The following TTC39C variants were observed in gnomAD, a reference collection of about 807,000 sequenced individuals.
TTC39C encodes tetratricopeptide repeat domain 39C.
Under a neutral mutation model 76.3 loss-of-function variants are expected in TTC39C, and 33 were observed. The observed-to-expected ratio is 0.43, with a 90% CI of 0.33 to 0.58. The LOEUF (loss-of-function observed/expected upper bound fraction) is 0.58, where lower values mean the gene tolerates loss of function less well. Ranked by LOEUF, TTC39C falls within the 20% of genes least tolerant of loss-of-function variation. The pLI, the probability that TTC39C is intolerant of heterozygous loss-of-function variation, is 0.04. For synonymous variants in TTC39C, 254 were observed against 260.6 expected (o/e 0.97, Z 0.24); for missense variants, 595 against 701.4 (o/e 0.85, Z 1.71).
chr18:24,114,477 A>C, intron 6 of TTC39C, 77 bp from the exon 7 acceptor site: 1 of 1,114,102 alleles, frequency 9.0e-7, no homozygotes. Context: ...TGAAGGAAAA[A>C]GATGCTTTTG....
In TTC39C at chr18:24,015,145, A is replaced by C. The variant is rs960067655; in HGVS notation, c.167+107A>C. 455 of 1,092,666 alleles carry C rather than the reference A, an allele frequency of 4.2e-4. 2 individuals carry two copies. Among genetic ancestry groups the C allele is most frequent in the Non-Finnish European group, 9.2e-5 (75 of 813,636 alleles). The allele number at this position is 1,092,666 out of a possible 1,614,324, so 67.7% of individuals were successfully genotyped here. A position where few individuals can be genotyped will look rare whatever the true frequency, so the allele number is the denominator to read the frequency against. ...GAGCCCCCTCCCCCTCCTGTCGGTC[A>C]CCGATTCCGGTCCTCAGGTCTCCTC... On this transcript the variant is annotated intron_variant, in intron 1 of 13. Coordinates refer to ENST00000317571, the MANE Select transcript of TTC39C (RefSeq NM_001135993.2).
chr18:24,125,712 T>C (rs73406146), intron 10 of TTC39C, 162 bp downstream of exon 10: 11,507 of 885,056 alleles, frequency 0.013, 512 homozygotes, highest in African/African-American at 0.13. Flanking sequence ...AAGAAAATCC[T>C]GTCACTTAGG....
At chr18:24,114,102 G>A (rs1420786610) in intron 6 of TTC39C, 5 of 267,924 alleles carry the variant, frequency 1.9e-5, no homozygotes, top group Non-Finnish European at 2.9e-5. Context: ...CGCACACGGG[G>A]ATGAAATATG....
chr18:24,120,496 G>A (rs2084952017), intron 8 of TTC39C, among the ~76,000 whole-genome samples: 1 of 152,198 alleles, frequency 6.6e-6, no homozygotes, highest in Non-Finnish European at 1.5e-5. Flanking sequence ...GCATGTTAAT[G>A]TTTTGTGTGA....
intron 1 of TTC39C, among the ~76,000 whole-genome samples, chr18:24,058,265 A>G (rs1404800679): frequency 1.3e-5 from 2 of 152,332 alleles, no homozygotes; most frequent in Non-Finnish European, 2.9e-5. Context: ...TCTGTGACAC[A>G]CAATTTACCT....
intron 1 of TTC39C, among the ~76,000 whole-genome samples, chr18:24,038,444 G>T (rs77274006): frequency 6.6e-6 from 1 of 151,958 alleles, no homozygotes; most frequent in African/African-American, 2.4e-5. Context: ...CACCATGCCC[G>T]GCTAATTTTT....
At chr18:24,044,423 CAA>C (rs1349641835) in intron 1 of TTC39C, among the ~76,000 whole-genome samples, 25 of 152,138 alleles carry the variant, frequency 1.6e-4, no homozygotes, top group Non-Finnish European at 2.9e-5. Flanking sequence ...ATGCACAGTG[CAA>C]AGAGGTGGCT....
intron 6 of TTC39C, among the ~76,000 whole-genome samples, chr18:24,097,564 A>G (rs9946143): frequency 0.041 from 6,243 of 152,236 alleles, 413 homozygotes; most frequent in African/African-American, 0.14. Flanking sequence ...TGAGATGTCT[A>G]TGGTGTTGGC....
chr18:24,039,119 A>G (rs2083763132), intron 1 of TTC39C, among the ~76,000 whole-genome samples: 1 of 152,144 alleles, frequency 6.6e-6, no homozygotes, highest in Non-Finnish European at 1.5e-5. Context: ...CCCCCCATGC[A>G]CCTGTAAGGT....
chr18:23,996,742 T>A (rs1003965935), intron 1 of TTC39C, among the ~76,000 whole-genome samples: 1 of 152,136 alleles, frequency 6.6e-6, no homozygotes, highest in Admixed American at 6.5e-5. Flanking sequence ...ACTCAAAAAT[T>A]TGAGACCTAT....
chr18:24,046,239 G>A (rs943041461), intron 1 of TTC39C, among the ~76,000 whole-genome samples: 4 of 148,926 alleles, frequency 2.7e-5, no homozygotes, highest in African/African-American at 1.0e-4. Flanking sequence ...TGCCCAGCCT[G>A]TGAATATTTT....
At chr18:24,092,823 A>C (rs2084541648) in intron 6 of TTC39C, among the ~76,000 whole-genome samples, 1 of 152,188 alleles carries the variant, frequency 6.6e-6, no homozygotes, top group South Asian at 2.1e-4. Context: ...AATGGCTCAC[A>C]CCTGTAATCT....
At chr18:24,012,584 G>C (rs1268914323), upstream of TTC39C, among the ~76,000 whole-genome samples, 1 of 152,110 alleles carries the variant, frequency 6.6e-6, no homozygotes, top group East Asian at 1.9e-4. Flanking sequence ...GACTGTGCTT[G>C]GCTGTCTTTC....
In TTC39C at chr18:24,132,689, G is replaced by A; in HGVS notation, c.*115G>A. The A allele has an allele frequency of 1.3e-6, 1 of 746,396 alleles. No individual in the cohort carries two copies. Among genetic ancestry groups the A allele is most frequent in the Non-Finnish European group, 2.1e-6 (1 of 470,952 alleles). The allele number at this position is 746,396 out of a possible 1,614,324, so 46.2% of individuals were successfully genotyped here. On this transcript the variant is annotated 3_prime_UTR_variant, in exon 14 of 14. Coordinates refer to ENST00000317571, the MANE Select transcript of TTC39C (RefSeq NM_001135993.2). ...TTTCTTCTGAAAACCACCTGTGCCA[G>A]GGACACATTTTCCCAGTTAAGCTGA...
At chr18:24,065,943 C>T (rs2084160516) in intron 2 of TTC39C, 69 bp from the exon 3 acceptor site, 17 of 1,446,114 alleles carry the variant, frequency 1.2e-5, no homozygotes, top group Non-Finnish European at 1.6e-5. Context: ...TTGGAGTTTT[C>T]TTGTAATAAG....
At chr18:24,031,452 ATCT>A (rs2083669632) in intron 1 of TTC39C, among the ~76,000 whole-genome samples, 1 of 152,186 alleles carries the variant, frequency 6.6e-6, no homozygotes, top group Admixed American at 6.5e-5. Context: ...TCTAGCCCTG[ATCT>A]TCTTCCGGGG....
intron 2 of TTC39C, among the ~76,000 whole-genome samples, chr18:24,065,633 G>A (rs1341249589): frequency 6.6e-6 from 1 of 152,220 alleles, no homozygotes; most frequent in Non-Finnish European, 1.5e-5. Flanking sequence ...AGTAGTTGGT[G>A]GAGCCAGGGA....
chr18:23,997,864 A>AC lies in TTC39C; in HGVS notation c.-17+4830dup, dbSNP rs113407533. Among the ~76,000 whole-genome samples, 1,234 of 150,152 alleles carry AC rather than the reference A, an allele frequency of 8.2e-3. 6 individuals are homozygous for AC. Among genetic ancestry groups the AC allele is most frequent in the African/African-American group, 0.014 (552 of 40,604 alleles). ...ATTCCCACCTGGGTGACAGAGTGAGACCCCGTCTGAAAAAAGAAAAAAAAA... is the reference window on the plus strand; with the variant it reads ...ATTCCCACCTGGGTGACAGAGTGAGACCCCCGTCTGAAAAAAGAAAAAAAAA... On this transcript the variant is annotated intron_variant, in intron 1 of 13. Coordinates refer to the TTC39C transcript ENST00000304621.
intron 1 of TTC39C, among the ~76,000 whole-genome samples, chr18:24,004,835 C>T (rs1021256042): frequency 1.3e-5 from 2 of 152,136 alleles, no homozygotes; most frequent in African/African-American, 4.8e-5. Context: ...TGAATAGCCA[C>T]ACTGCTTTCT....
Sources: allele counts gnomAD v4.1 joint callset (sites outside exome capture counted in the v4.1 genomes callset), GRCh38; gene constraint gnomAD v4.1.1; transcripts MANE v1.5; gene names NCBI Gene and HGNC (gene_info 2026-07-23, HGNC 2026-07-21).